TINCR: variants seen among roughly 807,000 people sequenced by gnomAD.
TINCR encodes the protein TINCR ubiquitin domain containing, also known as TINCR-encoded ubiquitin-like protein.
At chr19:5,558,206 A>G (rs545415914), downstream of TINCR, 39 of 152,358 alleles carry the variant, frequency 2.6e-4, no homozygotes, top group African/African-American at 9.1e-4. Context: ...GTACACTCTC[A>G]AAACAGCATT....
intron 1 of TINCR, 36 bp downstream of exon 1, chr19:5,567,629 G>GCCCCCCCCCCCCCCCC: frequency 2.7e-5 from 5 of 181,986 alleles, no homozygotes; most frequent in Non-Finnish European, 5.5e-5. Flanking sequence ...CCCGGCCGCC[G>GCCCCCCCCCCCCCCCC]CCCCCGCCCC....
intron 1 of TINCR, among the ~76,000 whole-genome samples, chr19:5,566,058 AGGGGACCTCTTT>A (rs1421962943): frequency 2.0e-5 from 3 of 152,318 alleles, no homozygotes; most frequent in African/African-American, 7.2e-5. Flanking sequence ...CGTCTTGGCC[AGGGGACCTCTTT>A]GGGGACCCAG....
Position 5,567,649 on chromosome 19 carries a change from C to CCCCCCCCCCCCCCCCCCCGGGGGGGG in TINCR, c.260+15_260+16insCCCCCCCCGGGGGGGGGGGGGGGGGG. ...CCGCCGCCCCCGCCCCACCCCACCC[C>CCCCCCCCCCCCCCCCCCCGGGGGGGG]GAGCCCCGCGGCCACCTGGGGTCGC... On this transcript the variant is annotated intron_variant, in intron 1 of 1. Coordinates refer to ENST00000646160, the Ensembl canonical transcript of TINCR. 1 of 350,314 alleles carries CCCCCCCCCCCCCCCCCCCGGGGGGGG rather than the reference C, an allele frequency of 2.9e-6. No individual in the cohort carries two copies. The allele number at this position is 350,314 out of a possible 1,614,324, so 21.7% of individuals were successfully genotyped here.
At chr19:5,564,568 T>C (rs1396519398) in intron 1 of TINCR, among the ~76,000 whole-genome samples, 3 of 151,806 alleles carry the variant, frequency 2.0e-5, no homozygotes, top group Admixed American at 6.6e-5. Context: ...CCAGAGGAGG[T>C]TGAAACTCTC....
At chr19:5,567,452 C>A (rs547603563) in intron 1 of TINCR, among the ~76,000 whole-genome samples, 1 of 152,318 alleles carries the variant, frequency 6.6e-6, no homozygotes, top group African/African-American at 2.4e-5. Flanking sequence ...ACAGCAGAGA[C>A]AGAAACAGGC....
intron 1 of TINCR, among the ~76,000 whole-genome samples, chr19:5,564,680 C>T (rs554614160): frequency 3.7e-4 from 56 of 152,320 alleles, no homozygotes; most frequent in African/African-American, 1.2e-3. Context: ...CAGGTTCAAG[C>T]GATTCTCCTG....
intron 1 of TINCR, among the ~76,000 whole-genome samples, chr19:5,567,323 AAAG>A (rs2052135474): frequency 6.6e-6 from 1 of 152,034 alleles, no homozygotes; most frequent in Admixed American, 6.5e-5. Flanking sequence ...CAAGAGACAG[AAAG>A]AAGAGGGAGA....
Position 5,565,271 on chromosome 19 carries a change from ACT to A in TINCR, c.261-2324_261-2323del, listed in dbSNP as rs1277583973. Among the ~76,000 whole-genome samples the A allele has an allele frequency of 2.0e-5, 3 of 151,252 alleles. No individual in the cohort carries two copies. The highest frequency in any genetic ancestry group is 2.9e-5 in the Non-Finnish European group (2 of 67,832). On this transcript the variant is annotated intron_variant, in intron 1 of 1. Coordinates refer to ENST00000646160, the Ensembl canonical transcript of TINCR. The surrounding 1 kb of genome is among the most constrained non-coding windows in gnomAD (Gnocchi z 4.0). ...CTACTGCCTGGAACACCCTTCCCTG[ACT>A]CTCTGTTTAACCACCTCCTCCACAT...
downstream of TINCR, chr19:5,559,303 A>T (rs1478150794): frequency 1.3e-5 from 2 of 150,348 alleles, no homozygotes; most frequent in African/African-American, 4.9e-5. Flanking sequence ...ATGGGCTGTT[A>T]TCCTGGCCCC....
Position 5,563,856 on chromosome 19 carries a change from A to G in TINCR, c.261-907T>C, listed in dbSNP as rs934952052. 2.0e-5 allele frequency among the ~76,000 whole-genome samples: 3 copies of G among 152,208 alleles called. No homozygotes were observed. Among genetic ancestry groups the G allele is most frequent in the African/African-American group, 4.8e-5 (2 of 41,452 alleles). On this transcript the variant is annotated intron_variant, in intron 1 of 1. Transcript: ENST00000646160. The surrounding 1 kb of genome is among the most constrained non-coding windows in gnomAD (Gnocchi z 4.7). ...CTTGAACCCGGGAGGCAGAGGTTGC[A>G]GTGAGCCGAGATTGCGCCACTGCAC... is the stretch of plus-strand genomic sequence containing the variant.
intron 1 of TINCR, among the ~76,000 whole-genome samples, chr19:5,564,968 A>C (rs939629715): frequency 1.3e-5 from 2 of 151,558 alleles, no homozygotes; most frequent in African/African-American, 4.9e-5. Flanking sequence ...CCCTCCCCCC[A>C]TCACAGTCTG....
downstream of TINCR, chr19:5,560,906 G>A (rs540885220): frequency 2.6e-5 from 4 of 153,874 alleles, no homozygotes; most frequent in Admixed American, 6.5e-5. This position sits in a 1 kb window ranked among gnomAD's most constrained non-coding sequence, Gnocchi z 4.5. Flanking sequence ...AGGGCCTGTG[G>A]GGGCCCCAAA....
chr19:5,565,136 T>C lies in TINCR; in HGVS notation c.261-2187A>G, dbSNP rs960987252. ...TGCATGAACTGCCCTGGCCCCTCCC[T>C]GCCCTCCCTTCCTCCCTCTCTCCCC... is the stretch of plus-strand genomic sequence containing the variant. On this transcript the variant is annotated intron_variant, in intron 1 of 1. Transcript: ENST00000646160. The surrounding 1 kb of genome is among the most constrained non-coding windows in gnomAD (Gnocchi z 4.0). Among the ~76,000 whole-genome samples, 1 of 146,230 alleles carries C rather than the reference T, an allele frequency of 6.8e-6. No individual in the cohort carries two copies. Among genetic ancestry groups the C allele is most frequent in the African/African-American group, 2.5e-5 (1 of 40,536 alleles).
chr19:5,567,764 C>A (rs77608060), exon 1 of TINCR: 100 of 393,772 alleles, frequency 2.5e-4, no homozygotes, highest in African/African-American at 2.0e-3. Flanking sequence ...GTAGAAGGCG[C>A]GCTTCCAGGA....
chr19:5,566,561 C>G (rs1361022416), intron 1 of TINCR, among the ~76,000 whole-genome samples: 1 of 147,940 alleles, frequency 6.8e-6, no homozygotes, highest in East Asian at 2.1e-4. Flanking sequence ...ACAGACAGAA[C>G]TGGACAGGGA....
At position 5,565,342 on chromosome 19, in the gene TINCR, A is replaced by G. The variant is rs1013768705; in HGVS notation, c.260+2323T>C. Among the ~76,000 whole-genome samples, 3 of 151,988 alleles carry G rather than the reference A, an allele frequency of 2.0e-5. No individual in the cohort carries two copies. Among genetic ancestry groups the G allele is most frequent in the Admixed American group, 6.6e-5 (1 of 15,262 alleles). On this transcript the variant is annotated intron_variant, in intron 1 of 1. Coordinates refer to ENST00000646160, the Ensembl canonical transcript of TINCR. This position sits in a 1 kb window ranked among gnomAD's most constrained non-coding sequence, Gnocchi z 4.0. Reference sequence around the variant, plus strand: ...CTTTCCGGAGAGGCGTCCCCCAGTCACTGATCCCTCTCCACCTTCCCTGCA... The same window carrying G: ...CTTTCCGGAGAGGCGTCCCCCAGTCGCTGATCCCTCTCCACCTTCCCTGCA...
At chr19:5,567,518 G>C (rs1234208821) in intron 1 of TINCR, 147 bp downstream of exon 1, 1 of 365,244 alleles carries the variant, frequency 2.7e-6, no homozygotes. Flanking sequence ...CGGCAAGGCC[G>C]GGTCAGGAGA....
In TINCR at chr19:5,565,399, C is replaced by G. The variant is rs2052123380; in HGVS notation, c.260+2266G>C. The stretch of plus-strand genomic sequence containing the variant: ...ACAGCGCCAATTGCGAGTTGACATT[C>G]TCCTGTGCTATTATTTGGCTCTAGG... On this transcript the variant is annotated intron_variant, in intron 1 of 1. Coordinates refer to ENST00000646160, the Ensembl canonical transcript of TINCR. This position sits in a 1 kb window ranked among gnomAD's most constrained non-coding sequence, Gnocchi z 4.0. Among the ~76,000 whole-genome samples the G allele has an allele frequency of 6.6e-6, 1 of 152,200 alleles. No homozygotes were observed. Among genetic ancestry groups the G allele is most frequent in the Non-Finnish European group, 1.5e-5 (1 of 68,030 alleles).
At chr19:5,566,552 C>G (rs1297270008) in intron 1 of TINCR, among the ~76,000 whole-genome samples, 1 of 147,834 alleles carries the variant, frequency 6.8e-6, no homozygotes, top group African/African-American at 2.5e-5. Flanking sequence ...CGCGCACACA[C>G]AGACAGAACT....
Sources: allele counts gnomAD v4.1 joint callset (sites outside exome capture counted in the v4.1 genomes callset), GRCh38; gene constraint gnomAD v4.1.1; non-coding constraint Gnocchi (gnomAD v3.1); transcripts MANE v1.5; gene names NCBI Gene and HGNC (gene_info 2026-07-23, HGNC 2026-07-21).